PARL: variants seen among roughly 807,000 people sequenced by gnomAD.
PARL encodes the protein presenilin associated rhomboid like.
Under a neutral mutation model 51.6 loss-of-function variants are expected in PARL, and 44 were observed. The ratio of observed to expected loss-of-function variants is 0.85; its 90% CI spans 0.67 to 1.10. The LOEUF is 1.10. Among genes scored for constraint, PARL ranks in the 50% least tolerant of loss-of-function variants. The probability of loss-of-function intolerance (pLI) is 0.00; values close to 1 mark genes in which losing one functional copy is unlikely to be tolerated. For synonymous variants in PARL, 172 were observed against 164.0 expected (o/e 1.05, Z -0.37); for missense variants, 441 against 469.5 (o/e 0.94, Z 0.56).
At chr3:183,854,456 T>C (rs1730906476) in intron 4 of PARL, among the ~76,000 whole-genome samples, 1 of 152,144 alleles carries the variant, frequency 6.6e-6, no homozygotes, top group African/African-American at 2.4e-5. Flanking sequence ...TGGATAAACC[T>C]TGTGGACATT....
intron 4 of PARL, among the ~76,000 whole-genome samples, chr3:183,855,404 A>C (rs977527261): frequency 6.6e-6 from 1 of 152,130 alleles, no homozygotes; most frequent in African/African-American, 2.4e-5. Context: ...AGGCCTCCCA[A>C]GTGGTAGGAT....
intron 6 of PARL, among the ~76,000 whole-genome samples, chr3:183,842,047 A>G (rs1729379969): frequency 6.6e-6 from 1 of 152,174 alleles, no homozygotes; most frequent in African/African-American, 2.4e-5. Flanking sequence ...CCCTTACTTA[A>G]CGCCTGTTTA....
rs568897654 is a variant in PARL at position 183,875,865 on chromosome 3, C to G, written c.126-7805G>C. Among the ~76,000 whole-genome samples the G allele has an allele frequency of 7.9e-5, 12 of 152,258 alleles. 1 individual carries two copies. The South Asian group carries it at 2.3e-3, about 29-fold the overall frequency. ...TTCAAAGCTTCAAAGGACAGGCTGA[C>G]TTCATTAGGCACTAATGCTGTTGGT... On this transcript the variant is annotated intron_variant, in intron 1 of 9. Transcript: ENST00000317096.
chr3:183,876,610 TAA>T (rs576376716), intron 1 of PARL, among the ~76,000 whole-genome samples: 6,073 of 89,148 alleles, frequency 0.068, 108 homozygotes, highest in East Asian at 0.18. Flanking sequence ...ATACATTTTG[TAA>T]AAAAAAAAAA....
intron 1 of PARL, among the ~76,000 whole-genome samples, chr3:183,882,549 A>G (rs1354861903): frequency 3.9e-5 from 6 of 152,226 alleles, no homozygotes; most frequent in South Asian, 2.1e-4. Flanking sequence ...ATAGTTTCAT[A>G]TAACTGGCAA....
chr3:183,828,112 G>C (rs1727562138), downstream of PARL, among the ~76,000 whole-genome samples: 1 of 152,248 alleles, frequency 6.6e-6, no homozygotes, highest in Non-Finnish European at 1.5e-5. Context: ...GCCACAGCCA[G>C]GTTCTGGCCT....
At chr3:183,882,033 T>G (rs1175376941) in intron 1 of PARL, among the ~76,000 whole-genome samples, 2 of 150,834 alleles carry the variant, frequency 1.3e-5, no homozygotes, top group East Asian at 3.9e-4. Flanking sequence ...AAACCCCGTC[T>G]CTACAAAAAA....
intron 7 of PARL, among the ~76,000 whole-genome samples, chr3:183,838,958 A>T (rs192934369): frequency 5.3e-4 from 80 of 152,360 alleles, no homozygotes; most frequent in African/African-American, 1.9e-3. Flanking sequence ...CCCCAGCTAA[A>T]TTCGAATTCT....
rs183230690 is a variant in PARL, at chr3:183,876,694, T to C, written c.125+8028A>G. On this transcript the variant is annotated intron_variant, in intron 1 of 9. Transcript: ENST00000317096. ...AAAAGAAATATATTTTGTAAGGCAA[T>C]AGCCACAGAGTGATTTTTCTGATGG... 2.2e-5 allele frequency among the ~76,000 whole-genome samples: 3 copies of C among 138,092 alleles called. No homozygotes were observed. The Admixed American group carries it at 2.2e-4, about 10-fold the overall frequency. 90.6% of individuals were successfully genotyped at this position (138,092 alleles called of 152,430 possible).
At chr3:183,857,936 A>T (rs1291782786) in intron 4 of PARL, among the ~76,000 whole-genome samples, 1 of 152,202 alleles carries the variant, frequency 6.6e-6, no homozygotes, top group African/African-American at 2.4e-5. Context: ...ATTCTTTGAT[A>T]CATGAAGTGG....
chr3:183,830,741 T>G (rs1727840620), intron 9 of PARL, among the ~76,000 whole-genome samples: 1 of 152,182 alleles, frequency 6.6e-6, no homozygotes, highest in Non-Finnish European at 1.5e-5. Context: ...GTTCTGAATG[T>G]GTATGTTTAA....
At chr3:183,884,193 A>G (rs1352177671) in intron 1 of PARL, among the ~76,000 whole-genome samples, 1 of 152,188 alleles carries the variant, frequency 6.6e-6, no homozygotes, top group Non-Finnish European at 1.5e-5. Flanking sequence ...TTCTTTCCAA[A>G]TCAACCGGAA....
At chr3:183,873,523 T>C (rs1268739453) in intron 1 of PARL, among the ~76,000 whole-genome samples, 1 of 148,808 alleles carries the variant, frequency 6.7e-6, no homozygotes, top group Non-Finnish European at 1.5e-5. Flanking sequence ...TGAGAGCTCC[T>C]GAGTGACAGA....
At chr3:183,827,326 T>C (rs1727489029), downstream of PARL, among the ~76,000 whole-genome samples, 1 of 152,002 alleles carries the variant, frequency 6.6e-6, no homozygotes, top group Admixed American at 6.6e-5. Flanking sequence ...TGGTAGTGTG[T>C]GCCTGCAGTG....
chr3:183,844,288 T>G lies in PARL; in HGVS notation c.550A>C (p.Arg184=). 2 of 1,608,448 alleles carry G rather than the reference T, an allele frequency of 1.2e-6. No individual in the cohort carries two copies. Among genetic ancestry groups the G allele is most frequent in the Non-Finnish European group, 1.7e-6 (2 of 1,175,164 alleles). The change falls in exon 5 of 10, where the codon AGA becomes CGA. Residue 184 remains arginine (R), a synonymous_variant. Coordinates refer to ENST00000317096, the MANE Select transcript of PARL (RefSeq NM_018622.7). ...ATTGTCCGCTGCAGAGAAGGTACTC[T>G]CCATAAACAGAATACAAGGACATTT... ...AANVLVFCLW[R]VPSLQRTMIR... is the part of the protein sequence containing the mutation.
Position 183,884,742 on chromosome 3 carries a change from C to A in PARL, c.105G>T (p.Pro35=). 1.3e-6 allele frequency: 2 copies of A among 1,581,636 alleles called. No homozygotes were observed. Among genetic ancestry groups the A allele is most frequent in the South Asian group, 2.3e-5 (2 of 88,120 alleles). ...ATTACCTGCGTCCGAGGAGCTGCGGCGGGGTTAGGACCGCAGTGAGCTCCT... is the reference window on the plus strand; with the variant it reads ...ATTACCTGCGTCCGAGGAGCTGCGGAGGGGTTAGGACCGCAGTGAGCTCCT... The part of the protein sequence containing the change: ...SCEELTAVLT[P]PQLLGRRFNF... The change falls in exon 1 of 10, where the codon CCG becomes CCT. Residue 35 remains proline (P), a synonymous_variant. Coordinates refer to ENST00000317096, the MANE Select transcript of PARL (RefSeq NM_018622.7).
intron 1 of PARL, among the ~76,000 whole-genome samples, chr3:183,874,170 T>A (rs1019775799): frequency 1.3e-5 from 2 of 152,180 alleles, no homozygotes; most frequent in Admixed American, 6.5e-5. Flanking sequence ...TGACCTTTGA[T>A]GTTACTACTG....
chr3:183,860,854 C>A (rs528962854), intron 4 of PARL, among the ~76,000 whole-genome samples: 5 of 137,180 alleles, frequency 3.6e-5, no homozygotes, highest in Non-Finnish European at 6.1e-5. Flanking sequence ...CTCGCTCTGT[C>A]GTCCAGGCTG....
chr3:183,828,788 C>T (rs542418882), downstream of PARL, among the ~76,000 whole-genome samples: 4 of 152,228 alleles, frequency 2.6e-5, no homozygotes, highest in African/African-American at 9.6e-5. Flanking sequence ...ATTTTGAAGC[C>T]ATCAAAAGAC....
Sources: allele counts gnomAD v4.1 joint callset (sites outside exome capture counted in the v4.1 genomes callset), GRCh38; gene constraint gnomAD v4.1.1; transcripts MANE v1.5; gene names NCBI Gene and HGNC (gene_info 2026-07-23, HGNC 2026-07-21).